MIS18BP1: variants seen among roughly 807,000 people sequenced by gnomAD.
MIS18BP1 encodes the protein MIS18 binding protein 1, also known as mis18-binding protein 1.
In MIS18BP1, 72 loss-of-function variants were observed where a neutral mutation model predicts 116.1. That is an observed-to-expected ratio of 0.62 (90% CI 0.51 to 0.75). MIS18BP1 has a LOEUF of 0.75. Ranked by LOEUF, MIS18BP1 falls within the 30% of genes least tolerant of loss-of-function variation. MIS18BP1 has a pLI of 0.00. For missense variants in MIS18BP1, 1,363 were observed against 1,303.2 expected (o/e 1.05, Z -0.71); for synonymous variants, 386 against 427.0 (o/e 0.90, Z 1.18).
rs747265887 is a variant in MIS18BP1, at chr14:45,231,208, T to C, written c.1527A>G (p.Ala509=). Reference sequence around the variant, plus strand: ...GAGCAGTATCTGTTTGGTTTTCTCGTGCATCATTTTTCATTGATTTCCTTA... The same window carrying C: ...GAGCAGTATCTGTTTGGTTTTCTCGCGCATCATTTTTCATTGATTTCCTTA... ...RDIRKSMKND[A]RENQTDTAQR... Residue 509 remains alanine (A), a synonymous_variant, in exon 8 of 17, where the codon GCA becomes GCG. Transcript: ENST00000310806. 3.1e-6 allele frequency: 5 copies of C among 1,613,964 alleles called. No individual in the cohort carries two copies. Among genetic ancestry groups the C allele is most frequent in the Non-Finnish European group, 4.2e-6 (5 of 1,179,966 alleles).
chr14:45,231,669 T>C (rs922032755), intron 7 of MIS18BP1, among the ~76,000 whole-genome samples: 1 of 152,262 alleles, frequency 6.6e-6, no homozygotes, highest in Non-Finnish European at 1.5e-5. Flanking sequence ...ACGGCTGCTC[T>C]TCTGCTACAA....
chr14:45,232,213 G>A (rs1479526553), intron 7 of MIS18BP1, among the ~76,000 whole-genome samples: 1 of 151,604 alleles, frequency 6.6e-6, no homozygotes, highest in Non-Finnish European at 1.5e-5. Flanking sequence ...TCAGGAGATC[G>A]AGACCATCCT....
intron 11 of MIS18BP1, among the ~76,000 whole-genome samples, chr14:45,220,089 CTTTA>C (rs769458550): frequency 2.1e-5 from 3 of 145,892 alleles, no homozygotes; most frequent in African/African-American, 8.2e-5. Context: ...TTCTAGCTTT[CTTTA>C]TTTACCTTTC....
intron 1 of MIS18BP1, among the ~76,000 whole-genome samples, chr14:45,250,552 ATT>A (rs1891841099): frequency 6.6e-6 from 1 of 152,228 alleles, no homozygotes; most frequent in African/African-American, 2.4e-5. Flanking sequence ...CTAACAAGAA[ATT>A]GTTAGTTCCT....
Position 45,224,516 on chromosome 14 carries a change from G to C in MIS18BP1, c.2071C>G (p.Pro691Ala). The C allele has an allele frequency of 6.2e-7, 1 of 1,611,514 alleles. No homozygotes were observed. The highest frequency in any genetic ancestry group is 1.1e-5 in the South Asian group (1 of 90,160). The change falls in exon 11 of 17, where the codon CCC becomes GCC. Residue 691 changes from proline (P) to alanine (A), a missense_variant. Pro to Ala is a conservative substitution (Grantham distance 27, BLOSUM62 -1). Coordinates refer to ENST00000310806, the MANE Select transcript of MIS18BP1 (RefSeq NM_018353.5). ...FVIPECQKKS[P>A]ISKSMGTLEN... Reference sequence around the variant, plus strand: ...AAAGTCCCCATGGACTTGCTGATGGGACTTTTTTTTTGACACTCTGGTATT... The same window carrying C: ...AAAGTCCCCATGGACTTGCTGATGGCACTTTTTTTTTGACACTCTGGTATT...
At position 45,242,235 on chromosome 14, in the gene MIS18BP1, C is replaced by T. The variant is rs771176458; in HGVS notation, c.942G>A (p.Ser314=). Residue 314 remains serine, a synonymous_variant, in exon 4 of 17, where the codon TCG becomes TCA. Transcript: ENST00000310806. ...CATTTCCTTCCTTAACTTTCTGTTGCGAAGTCCCTTCTGTTGTCCTCTCAC... is the reference window on the plus strand; with the variant it reads ...CATTTCCTTCCTTAACTTTCTGTTGTGAAGTCCCTTCTGTTGTCCTCTCAC... ...SDSERTTEGT[S]QQKVKEGNGK... The T allele has an allele frequency of 3.7e-6, 6 of 1,613,908 alleles. No homozygotes were observed. Among genetic ancestry groups the T allele is most frequent in the East Asian group, 4.5e-5 (2 of 44,882 alleles).
intron 5 of MIS18BP1, 141 bp downstream of exon 5, chr14:45,237,507 A>G: frequency 1.1e-6 from 1 of 938,968 alleles, no homozygotes; most frequent in Non-Finnish European, 1.5e-6. Context: ...GGACCTGCAC[A>G]GTAATTTTAC....
At chr14:45,228,980 A>T (rs1467193594) in intron 8 of MIS18BP1, among the ~76,000 whole-genome samples, 3 of 152,200 alleles carry the variant, frequency 2.0e-5, no homozygotes, top group Non-Finnish European at 4.4e-5. Context: ...AATAAAATTA[A>T]TAACAGCCCC....
intron 13 of MIS18BP1, among the ~76,000 whole-genome samples, chr14:45,213,363 C>T (rs1203275788): frequency 6.6e-6 from 1 of 152,158 alleles, no homozygotes; most frequent in Admixed American, 6.5e-5. Context: ...CTGCAGGTTG[C>T]ACAGGTTTAG....
chr14:45,236,723 CAA>C (rs1891438718), intron 5 of MIS18BP1, among the ~76,000 whole-genome samples: 2 of 152,170 alleles, frequency 1.3e-5, no homozygotes, highest in Admixed American at 1.3e-4. Flanking sequence ...AAATAACACT[CAA>C]AAAGCACTGT....
Position 45,246,981 on chromosome 14 carries a change from T to A in MIS18BP1, c.306A>T (p.Leu102Phe). The A allele has an allele frequency of 6.2e-7, 1 of 1,610,922 alleles. No homozygotes were observed. The highest frequency in any genetic ancestry group is 8.5e-7 in the Non-Finnish European group (1 of 1,179,344). The change falls in exon 2 of 17, where the codon TTA becomes TTT. Residue 102 changes from leucine (L) to phenylalanine (F), a missense_variant. Transcript: ENST00000310806. ...ISAIKPNKDGLKNKANYESPG... is the reference protein window; with the variant it reads ...ISAIKPNKDGFKNKANYESPG... ...GTGATTCATAGTTTGCTTTATTTTTTAATCCATCCTTGTTGGGCTTTATAG... is the reference window on the plus strand; with the variant it reads ...GTGATTCATAGTTTGCTTTATTTTTAAATCCATCCTTGTTGGGCTTTATAG...
intron 13 of MIS18BP1, among the ~76,000 whole-genome samples, chr14:45,216,809 A>C (rs575448904): frequency 6.6e-6 from 1 of 152,354 alleles, no homozygotes; most frequent in Non-Finnish European, 1.5e-5. Flanking sequence ...TTGGTTCTAC[A>C]AACATTACCT....
Position 45,223,952 on chromosome 14 carries a change from C to T in MIS18BP1, c.2635G>A (p.Glu879Lys). 1 of 1,596,644 alleles carries T rather than the reference C, an allele frequency of 6.3e-7. No homozygotes were observed. The highest frequency in any genetic ancestry group is 8.5e-7 in the Non-Finnish European group (1 of 1,175,524). Residue 879 changes from glutamate (E) to lysine (K), a missense_variant, in exon 11 of 17, where the codon GAA becomes AAA. Glu to Lys is a moderately conservative substitution (Grantham distance 56). Coordinates refer to ENST00000310806, the MANE Select transcript of MIS18BP1 (RefSeq NM_018353.5). ...ECLPGLIQDK[E>K]WNEKELQKLH... ...TTCTGTAACTCCTTCTCATTCCATT[C>T]CTTATCCTGAATTAAACCAGGTAAG...
intron 11 of MIS18BP1, among the ~76,000 whole-genome samples, chr14:45,223,632 A>G (rs1240530546): frequency 6.6e-6 from 1 of 152,168 alleles, no homozygotes; most frequent in African/African-American, 2.4e-5. Context: ...ATATGAAGCT[A>G]CGTGAGAGAG....
rs1345043629 is a variant in MIS18BP1, at chr14:45,235,927, T to C, written c.1235A>G (p.Tyr412Cys). Residue 412 changes from tyrosine to cysteine, a missense_variant, in exon 6 of 17, where the codon TAT becomes TGT. By Grantham distance (194) the Tyr-to-Cys change is radical (BLOSUM62 -2). Transcript: ENST00000310806. ...CTCTATAATTACATTACTGTGCCAA[T>C]ATATGTTAGTGACGTCTCTAGGAAA... is the stretch of plus-strand genomic sequence containing the variant. ...EGKLIDVTNI[Y>C]WHSNVIIERI... 1.9e-6 allele frequency: 3 copies of C among 1,606,732 alleles called. No homozygotes were observed. In the East Asian group the frequency reaches 6.7e-5, roughly 36 times the overall value.
intron 13 of MIS18BP1, among the ~76,000 whole-genome samples, chr14:45,214,005 A>G (rs1890745343): frequency 6.6e-6 from 1 of 152,190 alleles, no homozygotes; most frequent in South Asian, 2.1e-4. Flanking sequence ...CCAGGGACAC[A>G]ATACACTGCA....
chr14:45,218,562 G>C, intron 11 of MIS18BP1, 108 bp from the exon 12 acceptor site: 1 of 1,041,562 alleles, frequency 9.6e-7, no homozygotes, highest in Non-Finnish European at 1.3e-6. Context: ...GAAGGAATCA[G>C]TTTTATCAAA....
At chr14:45,248,103 T>TG (rs1891774986) in intron 1 of MIS18BP1, among the ~76,000 whole-genome samples, 1 of 150,616 alleles carries the variant, frequency 6.6e-6, no homozygotes, top group Non-Finnish European at 1.5e-5. Flanking sequence ...TTCCCTCTTG[T>TG]TGCCCAGGCT....
At chr14:45,204,731 G>T (rs984869558) in intron 15 of MIS18BP1, among the ~76,000 whole-genome samples, 2 of 151,902 alleles carry the variant, frequency 1.3e-5, no homozygotes, top group African/African-American at 4.8e-5. Flanking sequence ...ATAGTCTATG[G>T]GCCTCCAAAA....
Sources: allele counts gnomAD v4.1 joint callset (sites outside exome capture counted in the v4.1 genomes callset), GRCh38; gene constraint gnomAD v4.1.1; transcripts MANE v1.5; gene names NCBI Gene and HGNC (gene_info 2026-07-23, HGNC 2026-07-21).